The following PPP2R2B variants were observed in gnomAD, a reference collection of about 807,000 sequenced individuals.
PPP2R2B encodes serine/threonine-protein phosphatase 2A 55 kDa regulatory subunit B beta isoform.
PPP2R2B carries 5 observed loss-of-function variants against 46.0 expected under a neutral mutation model. The observed-to-expected ratio is 0.11, with a 90% confidence interval of 0.06 to 0.23. The LOEUF (loss-of-function observed/expected upper bound fraction) is 0.23. Among genes scored for constraint, PPP2R2B ranks in the 10% least tolerant of loss-of-function variants. PPP2R2B has a pLI of 1.00. For missense variants in PPP2R2B, 367 were observed against 575.0 expected (o/e 0.64, Z 3.70); for synonymous variants, 215 against 206.7 (o/e 1.04, Z -0.34).
At chr5:146,652,090 T>C (rs904862575) in intron 5 of PPP2R2B, among the ~76,000 whole-genome samples, 1 of 152,164 alleles carries the variant, frequency 6.6e-6, no homozygotes, top group African/African-American at 2.4e-5. Context: ...AAAGTCTTTG[T>C]GGTCCCCCAT....
chr5:146,698,676 G>T (rs530783835), intron 3 of PPP2R2B, among the ~76,000 whole-genome samples: 1 of 151,966 alleles, frequency 6.6e-6, no homozygotes, highest in East Asian at 1.9e-4. Context: ...AAGAGGCTCA[G>T]ATATTAAATG....
intron 1 of PPP2R2B, among the ~76,000 whole-genome samples, chr5:146,995,507 A>C (rs1753885994): frequency 6.6e-6 from 1 of 152,154 alleles, no homozygotes; most frequent in African/African-American, 2.4e-5. Flanking sequence ...ATGATATGGG[A>C]ATTTCTAAGT....
chr5:146,838,407 A>T (rs1759423805), intron 2 of PPP2R2B, among the ~76,000 whole-genome samples: 1 of 151,986 alleles, frequency 6.6e-6, no homozygotes, highest in African/African-American at 2.4e-5. Context: ...CCCTGTCTCT[A>T]CTAAAAATAC....
chr5:146,734,831 ATTCTATT>A (rs1218805993), intron 2 of PPP2R2B, among the ~76,000 whole-genome samples: 1 of 152,188 alleles, frequency 6.6e-6, no homozygotes, highest in African/African-American at 2.4e-5. Context: ...ATGTTTTGGA[ATTCTATT>A]AGACTGGTGC....
rs77962672 is a variant in PPP2R2B, at chr5:146,671,322, C to T, written c.447+19806G>A. On this transcript the variant is annotated intron_variant, in intron 5 of 9. Transcript: ENST00000394411. ...GAGAATAGAAAAACACGTCTCTGTC[C>T]TTAGGTTGTCCAGTGTTATTTCACA... Among the ~76,000 whole-genome samples the T allele has an allele frequency of 4.2e-3, 641 of 152,224 alleles. 2 individuals carry two copies. The highest frequency in any genetic ancestry group is 0.014 in the African/African-American group (598 of 41,544).
At chr5:147,062,144 T>C (rs1296742177) in intron 2 of PPP2R2B, among the ~76,000 whole-genome samples, 2 of 152,208 alleles carry the variant, frequency 1.3e-5, no homozygotes, top group African/African-American at 4.8e-5. Flanking sequence ...TATGTTTGGA[T>C]ACACAAATGC....
Position 146,638,384 on chromosome 5 carries a change from C to T in PPP2R2B, c.657G>A (p.Glu219=). 1 of 1,611,408 alleles carries T rather than the reference C, an allele frequency of 6.2e-7. No homozygotes were observed. ...NIVDIKPANM[E]ELTEVITAAE... ...CTGCTGTGATCACCTCCGTGAGCTC[C>T]TCCATGTTGGCTGGCTTAATGTCCA... The change falls in exon 7 of 10, where the codon GAG becomes GAA. Residue 219 remains glutamate (E), a synonymous_variant. Transcript: ENST00000394411.
intron 1 of PPP2R2B, among the ~76,000 whole-genome samples, chr5:146,946,583 C>T (rs1453957498): frequency 6.6e-6 from 1 of 152,072 alleles, no homozygotes; most frequent in Non-Finnish European, 1.5e-5. Context: ...TAAAATTACA[C>T]TAGAACTGTT....
At chr5:147,055,981 G>A (rs750711432), upstream of PPP2R2B, 55 of 1,356,560 alleles carry the variant, frequency 4.1e-5, no homozygotes, top group Non-Finnish European at 4.5e-5. Context: ...CAAGCAAGCC[G>A]GGATATAGCC....
chr5:146,945,174 G>C (rs748065711), intron 1 of PPP2R2B, among the ~76,000 whole-genome samples: 16 of 152,098 alleles, frequency 1.1e-4, no homozygotes, highest in Non-Finnish European at 1.9e-4. Context: ...ATACTATCTA[G>C]TTAATTCAGG....
intron 1 of PPP2R2B, among the ~76,000 whole-genome samples, chr5:146,901,609 C>T (rs757487609): frequency 3.9e-5 from 6 of 151,978 alleles, no homozygotes; most frequent in Admixed American, 2.6e-4. Context: ...TTCATTATAC[C>T]TGAGGTCCTA....
chr5:146,810,030 C>T (rs1582157158), intron 2 of PPP2R2B, among the ~76,000 whole-genome samples: 2 of 152,146 alleles, frequency 1.3e-5, no homozygotes, highest in African/African-American at 4.8e-5. Flanking sequence ...AGATGACTCT[C>T]AAGTTTCAGG....
Position 146,878,639 on chromosome 5 carries a change from C to A in PPP2R2B, c.-173G>T. The A allele has an allele frequency of 1.6e-6, 2 of 1,251,724 alleles. No individual in the cohort carries two copies. Among genetic ancestry groups the A allele is most frequent in the African/African-American group, 1.6e-5 (1 of 63,938 alleles). The allele number at this position is 1,251,724 out of a possible 1,614,324, so 77.5% of individuals were successfully genotyped here. A position where few individuals can be genotyped will look rare whatever the true frequency, so the allele number is the denominator to read the frequency against. The stretch of plus-strand genomic sequence containing the variant: ...CCCACGGGAGGGCGGCTCCGGCAGG[C>A]GGGGGTAGGGAAGCTGGCGGGGAGC... On this transcript the variant is annotated 5_prime_UTR_variant, in exon 1 of 10. Coordinates refer to ENST00000394411, the MANE Select transcript of PPP2R2B (RefSeq NM_181675.4). The surrounding 1 kb of genome is among the most constrained non-coding windows in gnomAD (Gnocchi z 4.5).
intron 1 of PPP2R2B, among the ~76,000 whole-genome samples, chr5:147,040,071 A>T (rs1266369745): frequency 6.6e-6 from 1 of 152,156 alleles, no homozygotes. Flanking sequence ...ACTTATAAAA[A>T]GCTAAAATTC....
chr5:146,596,307 T>C (rs376238319), intron 8 of PPP2R2B, among the ~76,000 whole-genome samples: 1 of 152,232 alleles, frequency 6.6e-6, no homozygotes, highest in Non-Finnish European at 1.5e-5. Flanking sequence ...TGAATGCATG[T>C]ATGAAAATGT....
At chr5:146,871,334 G>A (rs1761604536) in intron 2 of PPP2R2B, among the ~76,000 whole-genome samples, 1 of 152,200 alleles carries the variant, frequency 6.6e-6, no homozygotes, top group Non-Finnish European at 1.5e-5. Context: ...TCATGAGCTG[G>A]GAAGAGTGGG....
chr5:146,736,499 G>A (rs1752547522), intron 2 of PPP2R2B, among the ~76,000 whole-genome samples: 1 of 152,136 alleles, frequency 6.6e-6, no homozygotes, highest in African/African-American at 2.4e-5. Flanking sequence ...GATCGTGCAG[G>A]AAGAAATGAT....
At chr5:146,822,410 A>G (rs188331736) in intron 2 of PPP2R2B, among the ~76,000 whole-genome samples, 2 of 152,082 alleles carry the variant, frequency 1.3e-5, no homozygotes, top group African/African-American at 4.8e-5. Flanking sequence ...TGTTTCAGTC[A>G]TCATACTCAG....
chr5:146,602,497 A>G (rs1192829220), intron 7 of PPP2R2B, among the ~76,000 whole-genome samples: 1 of 152,220 alleles, frequency 6.6e-6, no homozygotes, highest in African/African-American at 2.4e-5. Context: ...AAACCGAATA[A>G]GGGTTTATAT....
Sources: allele counts gnomAD v4.1 joint callset (sites outside exome capture counted in the v4.1 genomes callset), GRCh38; gene constraint gnomAD v4.1.1; non-coding constraint Gnocchi (gnomAD v3.1); transcripts MANE v1.5; gene names NCBI Gene and HGNC (gene_info 2026-07-23, HGNC 2026-07-21).